The following ATG2A variants were observed in gnomAD, a reference collection of about 807,000 sequenced individuals.
ATG2A encodes autophagy related 2A, also known as autophagy-related protein 2 homolog A.
In ATG2A, 103 loss-of-function variants were observed where a neutral mutation model predicts 214.2. That is an observed-to-expected ratio of 0.48 (90% confidence interval 0.41 to 0.57). The LOEUF (loss-of-function observed/expected upper bound fraction) is 0.57, where lower values mean the gene tolerates loss of function less well. ATG2A is among the 20% of genes least tolerant of loss of function. The pLI, the probability that ATG2A is intolerant of heterozygous loss-of-function variation, is 0.00. For synonymous variants in ATG2A, 1,160 were observed against 1,142.1 expected (o/e 1.02, Z -0.32); for missense variants, 2,312 against 2,613.2 (o/e 0.88, Z 2.51).
intron 31 of ATG2A, among the ~76,000 whole-genome samples, chr11:64,900,024 A>ATTT (rs774843952): frequency 8.4e-5 from 6 of 71,144 alleles, no homozygotes; most frequent in African/African-American, 4.0e-4. Context: ...GCAAATGGTT[A>ATTT]ATTTTTTTTT....
At position 64,896,876 on chromosome 11, in the gene ATG2A, G is replaced by A; in HGVS notation, c.5151-7C>T. 1 of 1,613,080 alleles carries A rather than the reference G, an allele frequency of 6.2e-7. No individual in the cohort carries two copies. ...CTTGTCCACACCCAGGAGCCTGGCA[G>A]GGCAGGGAGGTGAGGAGGCAGAAGG... is the stretch of plus-strand genomic sequence containing the variant. On this transcript the variant is annotated splice_polypyrimidine_tract_variant and splice_region_variant and intron_variant, in intron 37 of 40. Coordinates refer to ENST00000377264, the MANE Select transcript of ATG2A (RefSeq NM_015104.3).
rs754181426 is a variant in ATG2A, at chr11:64,894,751, C to T, written c.*222G>A. The T allele has an allele frequency of 1.7e-5, 12 of 714,078 alleles. No homozygotes were observed. The South Asian group carries it at 1.8e-4, about 11-fold the overall frequency. 44.2% of individuals were successfully genotyped at this position (714,078 alleles called of 1,614,324 possible). A position where few individuals can be genotyped will look rare whatever the true frequency, so the allele number is the denominator to read the frequency against. ...GTGTGGGCCCAGGTCGGGGGAGGGG[C>T]AGTGTCCTTTCTCCCCGGAGGAAAA... is the stretch of plus-strand genomic sequence containing the variant. On this transcript the variant is annotated 3_prime_UTR_variant, in exon 41 of 41. Transcript: ENST00000377264.
intron 1 of ATG2A, among the ~76,000 whole-genome samples, chr11:64,916,487 C>T (rs1177923352): frequency 6.6e-6 from 1 of 152,136 alleles, no homozygotes; most frequent in Non-Finnish European, 1.5e-5. Context: ...ATCCCACCTA[C>T]GGGCTCAGGA....
At position 64,913,397 on chromosome 11, in the gene ATG2A, C is replaced by T. The variant is rs988274408; in HGVS notation, c.595G>A (p.Glu199Lys). 5 of 1,589,908 alleles carry T rather than the reference C, an allele frequency of 3.1e-6. No homozygotes were observed. Among genetic ancestry groups the T allele is most frequent in the Non-Finnish European group, 4.3e-6 (5 of 1,169,086 alleles). The change falls in exon 5 of 41, where the codon GAG (glutamate) becomes AAG (lysine). Residue 199 changes from glutamate to lysine, a missense_variant. By Grantham distance (56) the Glu-to-Lys change is moderately conservative. Transcript: ENST00000377264. The surrounding 1 kb of genome is among the most constrained non-coding windows in gnomAD (Gnocchi z 4.3). ...TCCCGCACTGCCTCATCACAGTACT[C>T]CAGTCTGGAGAGTGTAGGGTCAGCC... ...VAVEVRVQRL[E>K]YCDEAVRDPS... is the part of the protein sequence containing the mutation.
rs768440291 is a variant in ATG2A at position 64,907,352 on chromosome 11, G to A, written c.2735C>T (p.Ala912Val). Reference sequence around the variant, plus strand: ...AAGACTTGGGGCCTCAGGGGCAGCGGCCTGTGGGCCACCTGATGCCCCCAC... The same window carrying A: ...AAGACTTGGGGCCTCAGGGGCAGCGACCTGTGGGCCACCTGATGCCCCCAC... ...FSVGASGGPQ[A>V]AAPEAPSLHL... Residue 912 changes from alanine (A) to valine (V), a missense_variant, in exon 19 of 41, where the codon GCC becomes GTC. By Grantham distance (64) the Ala-to-Val change is moderately conservative. Coordinates refer to ENST00000377264, the MANE Select transcript of ATG2A (RefSeq NM_015104.3). 94 of 1,557,108 alleles carry A rather than the reference G, an allele frequency of 6.0e-5. No homozygotes were observed. The highest frequency in any genetic ancestry group is 8.1e-5 in the Non-Finnish European group (93 of 1,150,602).
At chr11:64,906,225 G>T (rs1284507827) in intron 21 of ATG2A, 32 bp from the exon 22 acceptor site, 2 of 1,610,964 alleles carry the variant, frequency 1.2e-6, no homozygotes, top group South Asian at 1.1e-5. Context: ...GGGCAGTGGG[G>T]AGGCCAGCCC....
At position 64,911,830 on chromosome 11, in the gene ATG2A, G is replaced by A. The variant is rs765499817; in HGVS notation, c.1228+12C>T. Reference sequence around the variant, plus strand: ...CCTGTCCCTGGAGTACCCCCAGGGTGCTCCAACTCACCAGCTGGGTGGGCC... The same window carrying A: ...CCTGTCCCTGGAGTACCCCCAGGGTACTCCAACTCACCAGCTGGGTGGGCC... On this transcript the variant is annotated intron_variant, in intron 9 of 40. Transcript: ENST00000377264. 1 of 1,612,208 alleles carries A rather than the reference G, an allele frequency of 6.2e-7. No homozygotes were observed. Among genetic ancestry groups the A allele is most frequent in the South Asian group, 1.1e-5 (1 of 90,980 alleles).
In ATG2A at chr11:64,898,570, G is replaced by A. The variant is rs1049364464; in HGVS notation, c.4671+66C>T. 6.4e-7 allele frequency: 1 copy of A among 1,553,210 alleles called. No homozygotes were observed. Among genetic ancestry groups the A allele is most frequent in the South Asian group, 1.1e-5 (1 of 89,140 alleles). ...CGTGTATGTGTGTGAATCCATGCAT[G>A]CGTGAAGATGTATCCCCAACGGTCT... On this transcript the variant is annotated intron_variant, in intron 32 of 40. Coordinates refer to ENST00000377264, the MANE Select transcript of ATG2A (RefSeq NM_015104.3). The surrounding 1 kb of genome is among the most constrained non-coding windows in gnomAD (Gnocchi z 4.5).
intron 22 of ATG2A, 109 bp from the exon 23 acceptor site, chr11:64,905,957 C>T: frequency 1.5e-6 from 2 of 1,368,660 alleles, no homozygotes; most frequent in Non-Finnish European, 2.0e-6. Flanking sequence ...TGCCCACTAG[C>T]TGTCTGCCAC....
At position 64,898,453 on chromosome 11, in the gene ATG2A, G is replaced by A; in HGVS notation, c.4672-91C>T. On this transcript the variant is annotated intron_variant, in intron 32 of 40. Transcript: ENST00000377264. This position sits in a 1 kb window ranked among gnomAD's most constrained non-coding sequence, Gnocchi z 4.5. Reference sequence around the variant, plus strand: ...CCCTGACAGCTCACCCAGCCACCCTGCCTCTGAACACGCTGTTCCCTTCGC... The same window carrying A: ...CCCTGACAGCTCACCCAGCCACCCTACCTCTGAACACGCTGTTCCCTTCGC... 7.4e-7 allele frequency: 1 copy of A among 1,353,034 alleles called. No individual in the cohort carries two copies. The highest frequency in any genetic ancestry group is 1.5e-5 in the African/African-American group (1 of 68,544). The allele number at this position is 1,353,034 out of a possible 1,614,324, so 83.8% of individuals were successfully genotyped here. A position where few individuals can be genotyped will look rare whatever the true frequency, so the allele number is the denominator to read the frequency against.
At chr11:64,906,600 C>A (rs1182299731) in intron 20 of ATG2A, 65 bp downstream of exon 20, 17 of 1,608,490 alleles carry the variant, frequency 1.1e-5, no homozygotes, top group African/African-American at 1.3e-5. Flanking sequence ...GGGCCCACAT[C>A]CGTCCTGAAA....
Position 64,894,782 on chromosome 11 carries a change from G to A in ATG2A, c.*191C>T, listed in dbSNP as rs1364542767. The stretch of plus-strand genomic sequence containing the variant: ...CCTTTCTCCCCGGAGGAAAAGTGCA[G>A]AGCCAGGGCTAAGGCCCCAAGGCAG... On this transcript the variant is annotated 3_prime_UTR_variant, in exon 41 of 41. Coordinates refer to ENST00000377264, the MANE Select transcript of ATG2A (RefSeq NM_015104.3). 3 of 767,916 alleles carry A rather than the reference G, an allele frequency of 3.9e-6. No individual in the cohort carries two copies. The highest frequency in any genetic ancestry group is 6.9e-6 in the Non-Finnish European group (3 of 437,652). 47.6% of individuals were successfully genotyped at this position (767,916 alleles called of 1,614,324 possible). A position where few individuals can be genotyped will look rare whatever the true frequency, so the allele number is the denominator to read the frequency against.
Position 64,895,365 on chromosome 11 carries a change from C to T in ATG2A, c.5505G>A (p.Ala1835=), listed in dbSNP as rs375890649. ...GCTGCTGGCCCCTGCGCAGCCTCCG[C>T]GCAGAGCGCTTATCCTGCAGGGAGC... ...VSRSLQDKRS[A]RRLRRGQQPA... Residue 1835 remains alanine, a synonymous_variant, in exon 40 of 41, where the codon GCG becomes GCA. Coordinates refer to ENST00000377264, the MANE Select transcript of ATG2A (RefSeq NM_015104.3). This position sits in a 1 kb window ranked among gnomAD's most constrained non-coding sequence, Gnocchi z 5.0. 1.3e-5 allele frequency: 21 copies of T among 1,612,804 alleles called. No homozygotes were observed. Among genetic ancestry groups the T allele is most frequent in the South Asian group, 5.5e-5 (5 of 91,010 alleles).
rs771194231 is a variant in ATG2A at position 64,905,627 on chromosome 11, T to A, written c.3400A>T (p.Ile1134Phe). ...RPLYLPVRVL[I>F]TAETFTLSSN... ...GAGAGAGTGAAGGTCTCCGCGGTGA[T>A]GAGGACACGCACTGGGAGGTAGAGT... Residue 1134 changes from isoleucine to phenylalanine, a missense_variant, in exon 24 of 41, where the codon ATC (isoleucine) becomes TTC (phenylalanine). Transcript: ENST00000377264. 18 of 1,613,834 alleles carry A rather than the reference T, an allele frequency of 1.1e-5. No individual in the cohort carries two copies. The highest frequency in any genetic ancestry group is 2.5e-6 in the Non-Finnish European group (3 of 1,179,910).
intron 6 of ATG2A, 62 bp downstream of exon 6, chr11:64,912,976 G>A: frequency 8.3e-7 from 1 of 1,208,494 alleles, no homozygotes; most frequent in Non-Finnish European, 1.1e-6. Context: ...AATCAGCCTT[G>A]CTGAGGAGGA....
rs1354867847 is a variant in ATG2A at position 64,905,575 on chromosome 11, G to A, written c.3452C>T (p.Thr1151Ile). ...LSSNIIMDTSTFLLRFILDDS... is the reference protein window; with the variant it reads ...LSSNIIMDTSIFLLRFILDDS... ...GCGGCCTGCATACCTGAGCAGGAAG[G>A]TGGAGGTGTCCATGATGATGTTGCT... The change falls in exon 24 of 41, where the codon ACC becomes ATC. Residue 1151 changes from threonine (T) to isoleucine (I), a missense_variant. Thr to Ile is a moderately conservative substitution (Grantham distance 89). Transcript: ENST00000377264. 1.9e-6 allele frequency: 3 copies of A among 1,612,138 alleles called. No homozygotes were observed. The highest frequency in any genetic ancestry group is 1.7e-5 in the Admixed American group (1 of 59,676).
Position 64,901,032 on chromosome 11 carries a change from C to G in ATG2A, c.4180G>C (p.Gly1394Arg), listed in dbSNP as rs905748825. 6.3e-7 allele frequency: 1 copy of G among 1,589,058 alleles called. No individual in the cohort carries two copies. Among genetic ancestry groups the G allele is most frequent in the East Asian group, 2.3e-5 (1 of 43,348 alleles). ...LHPGPIVVRD[G>R]YFSRPIGSTD... ...CTGCCGATCGGCCGTGAGAAGTAACCGTCCCTCACAACGATGGGGCCGGGA... is the reference window on the plus strand; with the variant it reads ...CTGCCGATCGGCCGTGAGAAGTAACGGTCCCTCACAACGATGGGGCCGGGA... The change falls in exon 30 of 41, where the codon GGT becomes CGT. Residue 1394 changes from glycine to arginine, a missense_variant. Physicochemically the swap from Gly to Arg is moderately radical, Grantham distance 125 (BLOSUM62 -2). Transcript: ENST00000377264.
At position 64,897,754 on chromosome 11, in the gene ATG2A, G is replaced by T; in HGVS notation, c.4995-11C>A. The T allele has an allele frequency of 1.2e-6, 2 of 1,614,236 alleles. No homozygotes were observed. Among genetic ancestry groups the T allele is most frequent in the South Asian group, 2.2e-5 (2 of 91,088 alleles). ...GTGAAGCGGAACTCTCTGGGTAGGG[G>T]AGCAGGAAGAGGGGGTTCTTTGCTC... On this transcript the variant is annotated splice_polypyrimidine_tract_variant and intron_variant, in intron 35 of 40. Transcript: ENST00000377264.
intron 26 of ATG2A, among the ~76,000 whole-genome samples, chr11:64,902,967 G>A (rs999040917): frequency 3.3e-5 from 5 of 150,448 alleles, no homozygotes; most frequent in Non-Finnish European, 7.4e-5. Context: ...AGCGAGGCAG[G>A]GCAGGTTATC....
Sources: gnomAD v4.1 joint callset for allele counts (sites outside exome capture counted in the v4.1 genomes callset) on GRCh38, gnomAD v4.1.1 for gene constraint, Gnocchi (gnomAD v3.1) non-coding constraint, MANE v1.5 for transcripts, NCBI Gene and HGNC (gene_info 2026-07-23, HGNC 2026-07-21) for gene names.